Variants in ARHGAP15 observed in about 807,000 individuals in gnomAD.
The protein encoded by ARHGAP15 is Rho GTPase activating protein 15.
ARHGAP15 carries 51 observed loss-of-function variants against 63.7 expected under a neutral mutation model. The ratio of observed to expected loss-of-function variants is 0.80; its 90% CI spans 0.64 to 1.01. ARHGAP15 has a LOEUF of 1.01. Ranked by LOEUF, ARHGAP15 falls within the 50% of genes least tolerant of loss-of-function variation. The pLI is 0.00. For missense variants in ARHGAP15, 560 were observed against 564.6 expected, an observed-to-expected ratio of 0.99 and a Z score of 0.08; for synonymous variants, 191 against 193.8, an observed-to-expected ratio of 0.99 and a Z score of 0.12.
Position 143,415,854 on chromosome 2 carries a change from C to T in ARHGAP15, c.475-19747C>T, listed in dbSNP as rs1334912810. Among the ~76,000 whole-genome samples the T allele has an allele frequency of 3.3e-5, 5 of 152,124 alleles. 1 individual carries two copies. Among genetic ancestry groups the T allele is most frequent in the Admixed American group, 2.0e-4 (3 of 15,276 alleles). ...CTGGATGAGATTGGAGACTATTATT[C>T]CAAGTGAAGTAACTCCCGAATGGAA... On this transcript the variant is annotated intron_variant, in intron 6 of 13. Coordinates refer to ENST00000295095, the MANE Select transcript of ARHGAP15 (RefSeq NM_018460.4).
intron 6 of ARHGAP15, among the ~76,000 whole-genome samples, chr2:143,261,244 C>T (rs1254970162): frequency 4.7e-5 from 7 of 148,456 alleles, no homozygotes. Context: ...CTGGATGTTA[C>T]ATTTTATAGT....
At chr2:143,143,877 G>C (rs1689476100) in intron 1 of ARHGAP15, among the ~76,000 whole-genome samples, 1 of 151,778 alleles carries the variant, frequency 6.6e-6, no homozygotes, top group South Asian at 2.1e-4. Context: ...ATTAAGCCTA[G>C]TACCCATTAG....
intron 6 of ARHGAP15, among the ~76,000 whole-genome samples, chr2:143,405,377 G>A (rs942918010): frequency 2.0e-5 from 3 of 150,826 alleles, no homozygotes; most frequent in East Asian, 1.9e-4. Flanking sequence ...CCCCTCTTAT[G>A]AGAATTCATT....
chr2:143,413,042 A>G (rs995975961), intron 6 of ARHGAP15, among the ~76,000 whole-genome samples: 1 of 152,184 alleles, frequency 6.6e-6, no homozygotes. Context: ...TATTGTATCT[A>G]TATCTGGATC....
At chr2:143,276,283 G>T (rs1193388935) in intron 6 of ARHGAP15, among the ~76,000 whole-genome samples, 1 of 152,162 alleles carries the variant, frequency 6.6e-6, no homozygotes, top group Admixed American at 6.5e-5. Flanking sequence ...TCTTTCACGT[G>T]TATCATTTCT....
Position 143,703,514 on chromosome 2 carries a change from C to T in ARHGAP15, c.1234C>T (p.His412Tyr). 6.2e-7 allele frequency: 1 copy of T among 1,607,464 alleles called. No individual in the cohort carries two copies. The highest frequency in any genetic ancestry group is 8.5e-7 in the Non-Finnish European group (1 of 1,176,916). ...TGACACCATGAAAGTCCTCTTTGGA[C>T]ATCTAACTAAGTAAGTTGTAAGGAT... Reference protein sequence around the residue: ...NRDTMKVLFGHLTKIVAKASK... With the variant: ...NRDTMKVLFGYLTKIVAKASK... The change falls in exon 13 of 14, where the codon CAT becomes TAT. Residue 412 changes from histidine to tyrosine, a missense_variant. By Grantham distance (83) the His-to-Tyr change is moderately conservative. Transcript: ENST00000295095.
intron 1 of ARHGAP15, among the ~76,000 whole-genome samples, chr2:143,145,457 C>T (rs1689543714): frequency 6.6e-6 from 1 of 152,024 alleles, no homozygotes; most frequent in African/African-American, 2.4e-5. Context: ...TGCCAATCTC[C>T]TTTGTGGATA....
chr2:143,303,806 C>A (rs1683033611), intron 6 of ARHGAP15, among the ~76,000 whole-genome samples: 1 of 152,166 alleles, frequency 6.6e-6, no homozygotes, highest in South Asian at 2.1e-4. Flanking sequence ...TATGAACAGA[C>A]ACTTCTCAAA....
chr2:143,461,969 A>G (rs546867957), intron 8 of ARHGAP15, among the ~76,000 whole-genome samples: 137 of 152,230 alleles, frequency 9.0e-4, no homozygotes, highest in African/African-American at 3.2e-3. Flanking sequence ...CCTGGGCAAC[A>G]TGGCAAAACC....
At chr2:143,709,563 A>G (rs1297154791) in intron 13 of ARHGAP15, among the ~76,000 whole-genome samples, 1 of 152,206 alleles carries the variant, frequency 6.6e-6, no homozygotes, top group Non-Finnish European at 1.5e-5. Flanking sequence ...GATATGGCTG[A>G]ATAGACAAAT....
chr2:143,237,611 T>C (rs1693705655), intron 5 of ARHGAP15: 4 of 152,166 alleles, frequency 2.6e-5, no homozygotes, highest in African/African-American at 9.7e-5. Flanking sequence ...ACACCCTACT[T>C]AAACAAATGC....
intron 6 of ARHGAP15, among the ~76,000 whole-genome samples, chr2:143,354,445 A>G (rs1219401070): frequency 1.3e-5 from 2 of 152,120 alleles, no homozygotes; most frequent in African/African-American, 4.8e-5. Context: ...CAAACAAAAC[A>G]TGGTTCAAAT....
intron 5 of ARHGAP15, among the ~76,000 whole-genome samples, chr2:143,241,220 C>A (rs144468139): frequency 1.4e-3 from 208 of 152,248 alleles, no homozygotes; most frequent in African/African-American, 4.9e-3. Context: ...TAGGTAGAAA[C>A]AGGGGCTTTC....
intron 3 of ARHGAP15, among the ~76,000 whole-genome samples, chr2:143,209,058 G>A (rs1692467210): frequency 6.6e-6 from 1 of 152,090 alleles, no homozygotes; most frequent in African/African-American, 2.4e-5. Context: ...TTAATTAATA[G>A]TAGTGAGGGC....
chr2:143,438,403 CTATT>C lies in ARHGAP15; in HGVS notation c.703+1365_703+1368del, dbSNP rs145887860. ...ACACATATGATAGGGAAGAGAGAAG[CTATT>C]TATATGTGATAACATATTTGCCAAA... On this transcript the variant is annotated intron_variant, in intron 8 of 13. Transcript: ENST00000295095. 4.5e-3 allele frequency among the ~76,000 whole-genome samples: 687 copies of C among 152,132 alleles called. 7 individuals are homozygous for C. The highest frequency in any genetic ancestry group is 0.016 in the African/African-American group (657 of 41,504).
chr2:143,650,390 G>C (rs567864000), intron 12 of ARHGAP15, among the ~76,000 whole-genome samples: 33 of 151,988 alleles, frequency 2.2e-4, no homozygotes, highest in Admixed American at 5.3e-4. Flanking sequence ...GCTCAGATCT[G>C]TAGTTTGCTT....
chr2:143,653,545 AT>A (rs1681280433), intron 12 of ARHGAP15, among the ~76,000 whole-genome samples: 2 of 152,068 alleles, frequency 1.3e-5, no homozygotes, highest in African/African-American at 4.8e-5. Context: ...TTTTCTTATC[AT>A]TCTTTTATTG....
At chr2:143,156,309 C>G (rs1690076838) in intron 2 of ARHGAP15, among the ~76,000 whole-genome samples, 1 of 151,892 alleles carries the variant, frequency 6.6e-6, no homozygotes, top group Admixed American at 6.6e-5. Flanking sequence ...GATGAGTCTC[C>G]TCTGGTTAAT....
At chr2:143,172,543 G>T (rs920034564) in intron 2 of ARHGAP15, among the ~76,000 whole-genome samples, 34 of 152,070 alleles carry the variant, frequency 2.2e-4, no homozygotes, top group African/African-American at 7.0e-4. Flanking sequence ...TGGTTGAGTG[G>T]GTATAGATGG....
Sources: allele counts gnomAD v4.1 joint callset (sites outside exome capture counted in the v4.1 genomes callset), GRCh38; gene constraint gnomAD v4.1.1; transcripts MANE v1.5; gene names NCBI Gene and HGNC (gene_info 2026-07-23, HGNC 2026-07-21).